The following DUSP13B variants were observed in gnomAD, a reference collection of about 807,000 sequenced individuals.
DUSP13B encodes dual specificity protein phosphatase 13B.
the DUSP13B span, chr10:75,101,851 A>C: frequency 1.5e-6 from 2 of 1,362,690 alleles, no homozygotes; most frequent in Non-Finnish European, 2.0e-6. Context: ...CCCCCAAATT[A>C]GGAGCACTCA....
the DUSP13B span, chr10:75,095,683 A>T: frequency 6.2e-7 from 1 of 1,614,224 alleles, no homozygotes; most frequent in South Asian, 1.1e-5. Flanking sequence ...TACTCCAGGG[A>T]CATTCCACGG....
chr10:75,106,101 CTT>C, the DUSP13B span, among the ~76,000 whole-genome samples: 80 of 123,016 alleles, frequency 6.5e-4, no homozygotes, highest in African/African-American at 1.2e-3. Context: ...TCTTTCTTTT[CTT>C]TTTTTTTTTT....
the DUSP13B span, chr10:75,105,628 A>G: frequency 6.5e-7 from 1 of 1,540,344 alleles, no homozygotes; most frequent in South Asian, 1.2e-5. Flanking sequence ...TCTTCCGGCC[A>G]ACCACATCCA....
At chr10:75,101,839 C>T in the DUSP13B span, 2 of 1,354,506 alleles carry the variant, frequency 1.5e-6, no homozygotes, top group South Asian at 1.1e-5. Context: ...CACATCCTAC[C>T]CCCCCCAAAT....
At chr10:75,097,648 C>T in the DUSP13B span, 59 of 1,442,646 alleles carry the variant, frequency 4.1e-5, no homozygotes, top group Admixed American at 1.6e-4. Context: ...AGGCTCATGC[C>T]CCCATTCCCG....
the DUSP13B span, chr10:75,095,730 G>A: frequency 8.6e-5 from 139 of 1,614,236 alleles, no homozygotes; most frequent in South Asian, 1.5e-3. Flanking sequence ...GAACTTGCCT[G>A]CAGCGGCATT....
At chr10:75,107,643 C>G in the DUSP13B span, among the ~76,000 whole-genome samples, 1 of 152,026 alleles carries the variant, frequency 6.6e-6, no homozygotes, top group East Asian at 1.9e-4. Context: ...GTGGCATGAT[C>G]TCGGCTCACT....
chr10:75,095,671 A>G, the DUSP13B span: 121 of 1,614,124 alleles, frequency 7.5e-5, no homozygotes, highest in Non-Finnish European at 5.9e-6. Flanking sequence ...TCGATGCCAT[A>G]GTACTCCAGG....
chr10:75,094,901 A>G, the DUSP13B span: 1 of 1,610,420 alleles, frequency 6.2e-7, no homozygotes, highest in Non-Finnish European at 8.5e-7. Flanking sequence ...CCAACTTAGC[A>G]TCAGCTACCT....
chr10:75,105,118 G>A, the DUSP13B span, among the ~76,000 whole-genome samples: 23 of 152,182 alleles, frequency 1.5e-4, no homozygotes, highest in Non-Finnish European at 1.9e-4. Context: ...GGGAGCCACC[G>A]TGGAGGCCTG....
chr10:75,095,606 T>C, the DUSP13B span: 1 of 1,614,144 alleles, frequency 6.2e-7, no homozygotes, highest in Non-Finnish European at 8.5e-7. Flanking sequence ...CTCGGATGTA[T>C]CGAGCAACAG....
chr10:75,102,719 G>A, the DUSP13B span, among the ~76,000 whole-genome samples: 4 of 152,166 alleles, frequency 2.6e-5, no homozygotes, highest in East Asian at 3.9e-4. Flanking sequence ...TTGGGAGGCC[G>A]AGGTGGGCGG....
chr10:75,105,408 C>G, the DUSP13B span, among the ~76,000 whole-genome samples: 1 of 152,106 alleles, frequency 6.6e-6, no homozygotes, highest in Non-Finnish European at 1.5e-5. Flanking sequence ...CTGAAGGATC[C>G]AGGTGGGGTG....
chr10:75,106,767 A>G, the DUSP13B span, among the ~76,000 whole-genome samples: 177 of 152,378 alleles, frequency 1.2e-3, 1 homozygote, highest in African/African-American at 4.2e-3. Context: ...CCAGGCACGT[A>G]GTGGATACTC....
the DUSP13B span, chr10:75,104,001 G>C: frequency 2.1e-4 from 288 of 1,356,308 alleles, 1 homozygote; most frequent in African/African-American, 4.0e-3. Context: ...ACCATCTTCT[G>C]TGTGTCCGCC....
chr10:75,104,063 T>G, the DUSP13B span: 1 of 1,360,946 alleles, frequency 7.3e-7, no homozygotes, highest in Non-Finnish European at 9.8e-7. Flanking sequence ...GGTGGCAAAG[T>G]GGCAGAGCCC....
chr10:75,102,032 C>G, the DUSP13B span: 2 of 1,186,832 alleles, frequency 1.7e-6, no homozygotes, highest in Non-Finnish European at 1.1e-6. Flanking sequence ...CCTGCCACTC[C>G]CAACTTGTCC....
chr10:75,105,532 A>T, the DUSP13B span: 1 of 943,096 alleles, frequency 1.1e-6, no homozygotes, highest in Non-Finnish European at 1.6e-6. Context: ...GCCCCCTTTA[A>T]TCCTCACTTC....
the DUSP13B span, among the ~76,000 whole-genome samples, chr10:75,100,286 C>T: frequency 6.6e-6 from 1 of 152,172 alleles, no homozygotes; most frequent in Admixed American, 6.5e-5. Flanking sequence ...ACGGGGCTCT[C>T]CCCTGGACTT....
Sources: allele counts gnomAD v4.1 joint callset (sites outside exome capture counted in the v4.1 genomes callset), GRCh38; gene constraint gnomAD v4.1.1; transcripts MANE v1.5; gene names NCBI Gene and HGNC (gene_info 2026-07-23, HGNC 2026-07-21).